TRIM24: variants seen among roughly 807,000 people sequenced by gnomAD.
The protein encoded by TRIM24 is tripartite motif containing 24.
A neutral mutation model predicts 123.9 loss-of-function variants in TRIM24; 29 were observed. That is an observed-to-expected ratio of 0.23 (90% CI 0.17 to 0.32). The LOEUF (loss-of-function observed/expected upper bound fraction) is 0.32. Ranked by LOEUF, TRIM24 falls within the 10% of genes least tolerant of loss-of-function variation. The pLI, the probability that TRIM24 is intolerant of heterozygous loss-of-function variation, is 1.00. For synonymous variants in TRIM24, 456 were observed against 461.1 expected, an observed-to-expected ratio of 0.99 and a Z score of 0.14; for missense variants, 932 against 1,295.3, an observed-to-expected ratio of 0.72 and a Z score of 4.31.
At chr7:138,551,230 C>T (rs368988275) in intron 8 of TRIM24, 50 bp downstream of exon 8, 49 of 1,454,324 alleles carry the variant, frequency 3.4e-5, no homozygotes, top group East Asian at 2.3e-4. Flanking sequence ...GTCTGTAAAA[C>T]TCAATGATTA....
In TRIM24 at chr7:138,567,589, C is replaced by A; in HGVS notation, c.1639C>A (p.Pro547Thr). Residue 547 changes from proline to threonine, a missense_variant, in exon 10 of 19, where the codon CCA becomes ACA. Physicochemically the swap from Pro to Thr is conservative, Grantham distance 38. Coordinates refer to ENST00000343526, the MANE Select transcript of TRIM24 (RefSeq NM_015905.3). ...QLRYPPNQNI[P>T]RQAIKPNPLQ... ...GAGATATCCACCAAACCAGAACATACCACGACAAGCAATAAAGCCAAACCC... is the reference window on the plus strand; with the variant it reads ...GAGATATCCACCAAACCAGAACATAACACGACAAGCAATAAAGCCAAACCC... 6.2e-7 allele frequency: 1 copy of A among 1,613,830 alleles called. No individual in the cohort carries two copies. Among genetic ancestry groups the A allele is most frequent in the East Asian group, 2.2e-5 (1 of 44,814 alleles).
intron 2 of TRIM24, among the ~76,000 whole-genome samples, chr7:138,505,506 GGTGGTTGTTGTTGTTGTTGTTGTT>G (rs1272386446): frequency 0.013 from 644 of 50,176 alleles, 6 homozygotes; most frequent in African/African-American, 0.053. Flanking sequence ...TTTTGGGGGT[GGTGGTTGTTGTTGTTGTTGTTGTT>G]GTTGTTGTTG....
chr7:138,463,046 T>TTG (rs1490751772), intron 1 of TRIM24, among the ~76,000 whole-genome samples: 3 of 118,496 alleles, frequency 2.5e-5, no homozygotes, highest in South Asian at 3.2e-4. Context: ...ATTTTGTGTT[T>TTG]TTTTTTTTTT....
chr7:138,568,726 T>C (rs553127371), intron 10 of TRIM24, among the ~76,000 whole-genome samples: 1 of 112,670 alleles, frequency 8.9e-6, no homozygotes, highest in East Asian at 2.2e-4. Flanking sequence ...TAAAAATATT[T>C]TCTGTGTTTT....
intron 9 of TRIM24, among the ~76,000 whole-genome samples, chr7:138,564,781 T>C (rs904544294): frequency 1.3e-5 from 2 of 152,144 alleles, no homozygotes; most frequent in Non-Finnish European, 2.9e-5. Flanking sequence ...TTTCACAGAG[T>C]TCTCAACCTC....
rs1486681230 is a variant in TRIM24, at chr7:138,460,701, C to T, written c.153C>T (p.Asn51=). The change falls in exon 1 of 19, where the codon AAC becomes AAT. Residue 51 remains asparagine, a synonymous_variant. Coordinates refer to ENST00000343526, the MANE Select transcript of TRIM24 (RefSeq NM_015905.3). ...SERGGEAARL[N]LLDTCAVCHQ... is the part of the protein sequence containing the mutation. ...GCGGCGGCGAGGCGGCCCGGCTCAA[C>T]CTGTTGGACACTTGCGCCGTGTGCC... is the stretch of plus-strand genomic sequence containing the variant. 1.3e-6 allele frequency: 2 copies of T among 1,557,350 alleles called. No individual in the cohort carries two copies. The highest frequency in any genetic ancestry group is 1.7e-6 in the Non-Finnish European group (2 of 1,156,430).
chr7:138,546,420 G>A (rs1385126786), intron 7 of TRIM24, among the ~76,000 whole-genome samples: 1 of 152,186 alleles, frequency 6.6e-6, no homozygotes, highest in African/African-American at 2.4e-5. Context: ...GGAAAAGACT[G>A]CTGAAACTGT....
chr7:138,575,231 A>G (rs923884949), intron 12 of TRIM24, among the ~76,000 whole-genome samples: 11 of 152,198 alleles, frequency 7.2e-5, no homozygotes, highest in African/African-American at 1.9e-4. Context: ...TAAATGTTAT[A>G]TATTTTTATA....
At position 138,570,482 on chromosome 7, in the gene TRIM24, G is replaced by A. The variant is rs549533830; in HGVS notation, c.1705-348G>A. Among the ~76,000 whole-genome samples the A allele has an allele frequency of 2.6e-5, 4 of 152,244 alleles. No individual in the cohort carries two copies. The South Asian group carries it at 8.3e-4, about 32-fold the overall frequency. ...TCAAGTATTTCAGATAGGGATAGAA[G>A]AAATGTATGTTTTCAACCCTCCATC... On this transcript the variant is annotated intron_variant, in intron 10 of 18. Coordinates refer to ENST00000343526, the MANE Select transcript of TRIM24 (RefSeq NM_015905.3).
At chr7:138,541,480 A>G (rs1263661295) in intron 7 of TRIM24, among the ~76,000 whole-genome samples, 3 of 152,196 alleles carry the variant, frequency 2.0e-5, no homozygotes, top group African/African-American at 7.2e-5. Flanking sequence ...GTGGGTCTCA[A>G]AAGTGGGCTT....
chr7:138,533,385 C>T (rs543809244), intron 6 of TRIM24, among the ~76,000 whole-genome samples: 26 of 152,212 alleles, frequency 1.7e-4, no homozygotes, highest in Non-Finnish European at 2.2e-4. Flanking sequence ...TTTTGAGATA[C>T]GTCCCATCAA....
intron 10 of TRIM24, among the ~76,000 whole-genome samples, chr7:138,570,298 AC>A (rs1275122596): frequency 6.6e-6 from 1 of 152,072 alleles, no homozygotes; most frequent in East Asian, 1.9e-4. Flanking sequence ...AGCATGCTTC[AC>A]CTCTATATAC....
At chr7:138,470,580 G>A (rs1795252163) in intron 1 of TRIM24, among the ~76,000 whole-genome samples, 1 of 152,202 alleles carries the variant, frequency 6.6e-6, no homozygotes. Flanking sequence ...GTCCCATATG[G>A]AGGCTGCTCA....
Position 138,579,186 on chromosome 7 carries a change from A to T in TRIM24, c.2257-18A>T, listed in dbSNP as rs747511907. On this transcript the variant is annotated intron_variant, in intron 14 of 18. Transcript: ENST00000343526. ...ATTTTTTTTAAAGCCAGTTAAATAT[A>T]TTTTTTTTCTACTACAGGCCAATTA... 1.8e-5 allele frequency: 27 copies of T among 1,534,144 alleles called. No homozygotes were observed. Among genetic ancestry groups the T allele is most frequent in the African/African-American group, 4.2e-5 (3 of 71,774 alleles).
chr7:138,498,878 C>T (rs749659212), intron 1 of TRIM24, among the ~76,000 whole-genome samples: 1 of 152,116 alleles, frequency 6.6e-6, no homozygotes, highest in Admixed American at 6.5e-5. Context: ...AGGTGATCCT[C>T]CTGCCTTGGC....
chr7:138,565,774 T>C (rs28392567), intron 9 of TRIM24, among the ~76,000 whole-genome samples: 3,329 of 152,242 alleles, frequency 0.022, 105 homozygotes, highest in African/African-American at 0.073. Flanking sequence ...AATGGCGTGG[T>C]GGGAATCTAA....
intron 2 of TRIM24, among the ~76,000 whole-genome samples, chr7:138,506,915 T>C (rs574900014): frequency 6.6e-6 from 1 of 152,228 alleles, no homozygotes; most frequent in Non-Finnish European, 1.5e-5. Context: ...ATTAGCGTGG[T>C]AGCAATAAGG....
At chr7:138,463,043 GTTT>G (rs57719141) in intron 1 of TRIM24, among the ~76,000 whole-genome samples, 50 of 60,130 alleles carry the variant, frequency 8.3e-4, no homozygotes, top group African/African-American at 3.1e-3. Context: ...CTAATTTTGT[GTTT>G]TTTTTTTTTT....
At position 138,560,126 on chromosome 7, in the gene TRIM24, T is replaced by C. The variant is rs1370825784; in HGVS notation, c.1530+5160T>C. Among the ~76,000 whole-genome samples the C allele has an allele frequency of 3.9e-5, 6 of 152,206 alleles. 1 individual carries two copies. The highest frequency in any genetic ancestry group is 2.6e-4 in the Admixed American group (4 of 15,282). ...CTCAGAGGAGGACCATGGGCAGGACTTGATCCCATCTCAGATGAGTTTTTT... is the reference window on the plus strand; with the variant it reads ...CTCAGAGGAGGACCATGGGCAGGACCTGATCCCATCTCAGATGAGTTTTTT... On this transcript the variant is annotated intron_variant, in intron 9 of 18. Transcript: ENST00000343526.
Sources: gnomAD v4.1 joint callset for allele counts (sites outside exome capture counted in the v4.1 genomes callset) on GRCh38, gnomAD v4.1.1 for gene constraint, MANE v1.5 for transcripts, NCBI Gene and HGNC (gene_info 2026-07-23, HGNC 2026-07-21) for gene names.